The following POLR1A variants were observed in gnomAD, a reference collection of about 807,000 sequenced individuals.
POLR1A encodes RNA polymerase I subunit A.
A neutral mutation model predicts 205.3 loss-of-function variants in POLR1A; 84 were observed. The observed-to-expected ratio is 0.41, with a 90% CI of 0.34 to 0.49. The LOEUF is 0.49. Ranked by LOEUF, POLR1A falls within the 20% of genes least tolerant of loss-of-function variation. POLR1A has a pLI of 0.22. For missense variants in POLR1A, 1,645 were observed against 2,204.5 expected, an observed-to-expected ratio of 0.75 and a Z score of 5.08; for synonymous variants, 799 against 863.7, an observed-to-expected ratio of 0.93 and a Z score of 1.31.
intron 21 of POLR1A, among the ~76,000 whole-genome samples, chr2:86,044,788 T>G (rs2104392016): frequency 6.6e-6 from 1 of 152,292 alleles, no homozygotes; most frequent in South Asian, 2.1e-4. Context: ...GCGGCCTTTC[T>G]CCTCAGTTTT....
chr2:86,049,435 T>C (rs552520531), intron 16 of POLR1A, among the ~76,000 whole-genome samples, 193 bp from the exon 17 acceptor site: 3 of 152,274 alleles, frequency 2.0e-5, no homozygotes, highest in South Asian at 4.1e-4. Context: ...CCAAACCTTA[T>C]AATCCCCATT....
chr2:86,070,062 C>T lies in POLR1A; in HGVS notation c.1822G>A (p.Ala608Thr). 6.2e-7 allele frequency: 1 copy of T among 1,614,050 alleles called. No individual in the cohort carries two copies. Among genetic ancestry groups the T allele is most frequent in the Non-Finnish European group, 8.5e-7 (1 of 1,179,974 alleles). The change falls in exon 13 of 34, where the codon GCC becomes ACC. Residue 608 changes from alanine to threonine, a missense_variant. Physicochemically the swap from Ala to Thr is moderately conservative, Grantham distance 58. Coordinates refer to ENST00000263857, the MANE Select transcript of POLR1A (RefSeq NM_015425.6). The surrounding 1 kb of genome is among the most constrained non-coding windows in gnomAD (Gnocchi z 4.4). ...FPQSELGRAE[A>T]YVLACTDQQY... Reference sequence around the variant, plus strand: ...TGATCAGTGCAGGCCAGGACGTAGGCCTCGGCCCGGCCCAGCTCACTCTGG... The same window carrying T: ...TGATCAGTGCAGGCCAGGACGTAGGTCTCGGCCCGGCCCAGCTCACTCTGG...
At chr2:86,082,350 T>TA (rs368334579) in intron 7 of POLR1A, among the ~76,000 whole-genome samples, 1 of 152,218 alleles carries the variant, frequency 6.6e-6, no homozygotes, top group African/African-American at 2.4e-5. Flanking sequence ...TTGATCTTCA[T>TA]AAAAAATATG....
chr2:86,039,226 G>GC (rs1346085248), intron 26 of POLR1A, 101 bp downstream of exon 26: 1 of 1,296,904 alleles, frequency 7.7e-7, no homozygotes, highest in African/African-American at 1.5e-5. Flanking sequence ...GGGAATCTGA[G>GC]CCTAGGGTCA....
At chr2:86,081,822 A>G in intron 7 of POLR1A, 116 bp from the exon 8 acceptor site, 2 of 648,796 alleles carry the variant, frequency 3.1e-6, no homozygotes, top group South Asian at 1.9e-5. Flanking sequence ...GATAATATGT[A>G]GAGTTAAGGT....
intron 25 of POLR1A, 106 bp downstream of exon 25, chr2:86,040,284 GAC>G: frequency 2.3e-6 from 2 of 886,564 alleles, no homozygotes; most frequent in Non-Finnish European, 3.2e-6. Flanking sequence ...CTCTCACACA[GAC>G]ACACTCTCTC....
At chr2:86,102,547 T>C (rs1384847522) in intron 1 of POLR1A, among the ~76,000 whole-genome samples, 1 of 152,236 alleles carries the variant, frequency 6.6e-6, no homozygotes, top group African/African-American at 2.4e-5. Context: ...AATTTACAAA[T>C]ATTTTCCCCC....
chr2:86,040,183 A>G (rs1323009068), intron 25 of POLR1A: 1 of 425,152 alleles, frequency 2.4e-6, no homozygotes, highest in Non-Finnish European at 4.1e-6. Flanking sequence ...AGAGGAATAA[A>G]TGGAGATCCT....
Position 86,054,089 on chromosome 2 carries a change from G to A in POLR1A, c.2208+51C>T, listed in dbSNP as rs777263921. On this transcript the variant is annotated intron_variant, in intron 15 of 33. Transcript: ENST00000263857. ...TTCTGTCTCCATTTTAAACCAATCT[G>A]TCTAACCCCGGCACTAGAAGTCTCC... 2.5e-6 allele frequency: 4 copies of A among 1,587,478 alleles called. No homozygotes were observed. The African/African-American group carries it at 4.0e-5, about 16-fold the overall frequency.
chr2:86,046,189 CG>C (rs1672706803), intron 19 of POLR1A, among the ~76,000 whole-genome samples: 1 of 151,948 alleles, frequency 6.6e-6, no homozygotes, highest in Non-Finnish European at 1.5e-5. Context: ...TAGCACTTTG[CG>C]GGGCTGAGGC....
intron 14 of POLR1A, 54 bp from the exon 15 acceptor site, chr2:86,054,343 G>T: frequency 6.3e-7 from 1 of 1,584,344 alleles, no homozygotes. Flanking sequence ...ATGGCAAAAT[G>T]AGGACAAACT....
At chr2:86,057,940 T>TA (rs146508028) in intron 14 of POLR1A, among the ~76,000 whole-genome samples, 2,440 of 148,930 alleles carry the variant, frequency 0.016, 46 homozygotes, top group East Asian at 0.098. Flanking sequence ...AATGGTCCTT[T>TA]AAAAAAAAAA....
intron 27 of POLR1A, among the ~76,000 whole-genome samples, chr2:86,036,312 C>T (rs1372412625): frequency 6.6e-6 from 1 of 152,200 alleles, no homozygotes. Flanking sequence ...CCCCTGCCAC[C>T]TGCCAGACAA....
At chr2:86,087,105 A>C (rs1419807984) in intron 6 of POLR1A, among the ~76,000 whole-genome samples, 1 of 152,264 alleles carries the variant, frequency 6.6e-6, no homozygotes, top group Non-Finnish European at 1.5e-5. Flanking sequence ...TGTTAAACTC[A>C]GTTTTGACAA....
Position 86,025,993 on chromosome 2 carries a change from C to G in POLR1A, c.*1430G>C, listed in dbSNP as rs998107662. 2.0e-5 allele frequency: 3 copies of G among 152,234 alleles called. No individual in the cohort carries two copies. The highest frequency in any genetic ancestry group is 6.5e-5 in the Admixed American group (1 of 15,284). 9.4% of individuals were successfully genotyped at this position (152,234 alleles called of 1,614,324 possible). A position where few individuals can be genotyped will look rare whatever the true frequency, so the allele number is the denominator to read the frequency against. ...ATGGATGTAGGGAGCAACATGGTCACTCTCCCTTGACAAAGCCTCCCTTGA... is the reference window on the plus strand; with the variant it reads ...ATGGATGTAGGGAGCAACATGGTCAGTCTCCCTTGACAAAGCCTCCCTTGA... On this transcript the variant is annotated 3_prime_UTR_variant, in exon 34 of 34. Transcript: ENST00000263857.
chr2:86,039,293 A>G, intron 26 of POLR1A, 34 bp downstream of exon 26: 1 of 1,610,874 alleles, frequency 6.2e-7, no homozygotes, highest in Non-Finnish European at 8.5e-7. Context: ...ACATGCCTTC[A>G]CCCCGTCTGC....
intron 18 of POLR1A, among the ~76,000 whole-genome samples, chr2:86,047,937 G>T (rs1672737209): frequency 6.6e-6 from 1 of 152,182 alleles, no homozygotes; most frequent in Admixed American, 6.5e-5. Context: ...ACCATTCTGA[G>T]ATGCATCTGA....
Position 86,065,372 on chromosome 2 carries a change from T to C in POLR1A, c.1960A>G (p.Met654Val), listed in dbSNP as rs1245915368. The C allele has an allele frequency of 1.2e-6, 2 of 1,614,046 alleles. No homozygotes were observed. Among genetic ancestry groups the C allele is most frequent in the East Asian group, 2.2e-5 (1 of 44,904 alleles). Reference sequence around the variant, plus strand: ...GTGAGTCCTCGGTACACCAGCTCCATATAGTGCTCCCGGGTGAAAAAGCAA... The same window carrying C: ...GTGAGTCCTCGGTACACCAGCTCCACATAGTGCTCCCGGGTGAAAAAGCAA... ...RGCFFTREHY[M>V]ELVYRGLTDK... is the part of the protein sequence containing the mutation. The change falls in exon 14 of 34, where the codon ATG becomes GTG. Residue 654 changes from methionine (M) to valine (V), a missense_variant. Around this residue, in one of 16 missense-constraint regions of POLR1A, gnomAD observed 339 missense variants for 415.1 expected, o/e 0.82. Coordinates refer to ENST00000263857, the MANE Select transcript of POLR1A (RefSeq NM_015425.6).
Position 86,025,797 on chromosome 2 carries a change from C to CA in POLR1A, c.*1625dup, listed in dbSNP as rs1672228608. ...CATCAAGTGAATATGGCCTTTAACT[C>CA]AAAGAATGAATGTCTTACCCTGCAG... On this transcript the variant is annotated 3_prime_UTR_variant, in exon 34 of 34. Coordinates refer to ENST00000263857, the MANE Select transcript of POLR1A (RefSeq NM_015425.6). 1 of 152,232 alleles carries CA rather than the reference C, an allele frequency of 6.6e-6. No homozygotes were observed. 9.4% of individuals were successfully genotyped at this position (152,232 alleles called of 1,614,324 possible).
Sources: allele counts gnomAD v4.1 joint callset (sites outside exome capture counted in the v4.1 genomes callset), GRCh38; gene constraint gnomAD v4.1.1; regional missense constraint gnomAD v4.1.1; non-coding constraint Gnocchi (gnomAD v3.1); transcripts MANE v1.5; gene names NCBI Gene and HGNC (gene_info 2026-07-23, HGNC 2026-07-21).